The following FBXL17 variants were observed in gnomAD, a reference collection of about 807,000 sequenced individuals.
FBXL17 encodes the protein F-box and leucine rich repeat protein 17.
FBXL17 carries 22 observed loss-of-function variants against 66.2 expected under a neutral mutation model. The ratio of observed to expected loss-of-function variants is 0.33; its 90% CI spans 0.24 to 0.47. FBXL17 has a LOEUF of 0.47. Ranked by LOEUF, FBXL17 falls within the 20% of genes least tolerant of loss-of-function variation. The pLI is 1.00. For synonymous variants in FBXL17, 474 were observed against 400.5 expected (o/e 1.18, Z -2.19); for missense variants, 878 against 948.2 (o/e 0.93, Z 0.97).
chr5:107,874,760 A>G (rs1748563892), intron 8 of FBXL17, among the ~76,000 whole-genome samples: 1 of 152,236 alleles, frequency 6.6e-6, no homozygotes, highest in South Asian at 2.1e-4. Flanking sequence ...GTTGAAAGGT[A>G]ACCTCTGAAT....
At chr5:108,248,745 A>G (rs749865825) in intron 4 of FBXL17, among the ~76,000 whole-genome samples, 1 of 152,154 alleles carries the variant, frequency 6.6e-6, no homozygotes, top group African/African-American at 2.4e-5. Context: ...TTTGAATGAC[A>G]TCAGATTTCT....
intron 4 of FBXL17, among the ~76,000 whole-genome samples, chr5:108,267,586 T>C (rs994140088): frequency 6.6e-6 from 1 of 152,076 alleles, no homozygotes; most frequent in Non-Finnish European, 1.5e-5. Context: ...ACTTCCCTCA[T>C]CTATGGTTTA....
At chr5:108,221,782 C>G (rs753851243) in intron 5 of FBXL17, among the ~76,000 whole-genome samples, 5 of 152,054 alleles carry the variant, frequency 3.3e-5, no homozygotes, top group African/African-American at 4.8e-5. Context: ...AAATAAAAAG[C>G]ATTAATTTTA....
intron 4 of FBXL17, among the ~76,000 whole-genome samples, chr5:108,234,263 G>A (rs1178934820): frequency 1.3e-5 from 2 of 152,074 alleles, no homozygotes; most frequent in African/African-American, 4.8e-5. Context: ...GTTGCCACCG[G>A]GTTGAAGAGA....
intron 6 of FBXL17, among the ~76,000 whole-genome samples, chr5:108,050,668 C>A (rs1489140642): frequency 6.6e-6 from 1 of 151,880 alleles, no homozygotes; most frequent in East Asian, 1.9e-4. Flanking sequence ...GCAAACCAAT[C>A]CCAAACCTAG....
intron 1 of FBXL17, among the ~76,000 whole-genome samples, chr5:108,373,602 T>C (rs894937532): frequency 6.6e-5 from 10 of 152,060 alleles, no homozygotes; most frequent in African/African-American, 2.4e-4. Flanking sequence ...GTAAATGGGC[T>C]AAACTTTCCA....
chr5:108,043,345 A>C (rs1394176171), intron 6 of FBXL17, among the ~76,000 whole-genome samples: 1 of 151,972 alleles, frequency 6.6e-6, no homozygotes, highest in African/African-American at 2.4e-5. Flanking sequence ...TTCTTTCTAC[A>C]AGTTTTATAG....
chr5:108,323,375 T>G (rs369827370), intron 4 of FBXL17, among the ~76,000 whole-genome samples: 50 of 151,824 alleles, frequency 3.3e-4, no homozygotes, highest in East Asian at 1.9e-3. Context: ...AGGGGTAAAA[T>G]TCTTAGGAAT....
In FBXL17 at chr5:107,912,562, A is replaced by T. The variant is rs537278632; in HGVS notation, c.1823-31383T>A. On this transcript the variant is annotated intron_variant, in intron 7 of 8. Transcript: ENST00000542267. ...GTTGAATGAAGAAAGCATGTTATTG[A>T]CAGATATTTACACTCTGATACTATT... Among the ~76,000 whole-genome samples the T allele has an allele frequency of 2.0e-5, 3 of 152,306 alleles. No homozygotes were observed. The East Asian group carries it at 5.8e-4, about 29-fold the overall frequency.
intron 4 of FBXL17, among the ~76,000 whole-genome samples, chr5:108,236,373 C>T (rs1489345350): frequency 4.6e-5 from 7 of 150,674 alleles, no homozygotes; most frequent in African/African-American, 9.8e-5. Context: ...ATTAGCCGGG[C>T]GTGGTGGCAG....
chr5:108,013,960 C>A (rs966151377), intron 7 of FBXL17, among the ~76,000 whole-genome samples: 4 of 152,136 alleles, frequency 2.6e-5, no homozygotes, highest in Non-Finnish European at 5.9e-5. Context: ...TCTTGGTATT[C>A]ATTCCAGCTC....
At chr5:108,213,516 T>C (rs570310238) in intron 5 of FBXL17, among the ~76,000 whole-genome samples, 86 of 152,296 alleles carry the variant, frequency 5.6e-4, no homozygotes, top group Non-Finnish European at 7.8e-4. Flanking sequence ...GCTCAGACTC[T>C]CATGGCTTCC....
intron 6 of FBXL17, among the ~76,000 whole-genome samples, chr5:108,159,927 G>A (rs1042567391): frequency 2.0e-5 from 3 of 152,072 alleles, no homozygotes; most frequent in Middle Eastern, 3.4e-3. Context: ...TTCTCATTAG[G>A]AGAGTAAAAA....
At chr5:108,155,177 A>T (rs1320397567) in intron 6 of FBXL17, among the ~76,000 whole-genome samples, 1 of 152,146 alleles carries the variant, frequency 6.6e-6, no homozygotes, top group Non-Finnish European at 1.5e-5. Flanking sequence ...ATTATAATAC[A>T]TACAGCAGGT....
At position 108,100,667 on chromosome 5, in the gene FBXL17, ATGTTTCTATTACCCAAATATTCC is replaced by A. The variant is rs376866260; in HGVS notation, c.1746-79689_1746-79667del. Among the ~76,000 whole-genome samples the A allele has an allele frequency of 4.8e-3, 733 of 152,328 alleles. 3 individuals carry two copies. The highest frequency in any genetic ancestry group is 0.017 in the African/African-American group (706 of 41,576). ...TGATAATTTACAATATCAACAGCAT[ATGTTTCTATTACCCAAATATTCC>A]TGGCTTCTTCAGGTACTTTCTGGCA... On this transcript the variant is annotated intron_variant, in intron 6 of 8. Transcript: ENST00000542267.
chr5:108,197,175 A>T (rs1753713311), intron 5 of FBXL17, among the ~76,000 whole-genome samples: 1 of 152,216 alleles, frequency 6.6e-6, no homozygotes, highest in Non-Finnish European at 1.5e-5. Flanking sequence ...AACAGCACTT[A>T]AAGTTAGCAG....
chr5:108,047,840 A>T (rs1246305029), intron 6 of FBXL17, among the ~76,000 whole-genome samples: 2 of 152,288 alleles, frequency 1.3e-5, no homozygotes, highest in East Asian at 1.9e-4. Context: ...GTCTCTGCAG[A>T]CCAGCAGACT....
At chr5:108,335,885 T>A (rs917681402) in intron 4 of FBXL17, among the ~76,000 whole-genome samples, 1 of 152,024 alleles carries the variant, frequency 6.6e-6, no homozygotes, top group African/African-American at 2.4e-5. Flanking sequence ...GCCATATGGG[T>A]ATACTAGAAA....
At chr5:108,131,921 G>A (rs1750948685) in intron 6 of FBXL17, among the ~76,000 whole-genome samples, 2 of 151,702 alleles carry the variant, frequency 1.3e-5, no homozygotes, top group East Asian at 1.9e-4. Flanking sequence ...TATTCTACTA[G>A]GAGGATAACC....
Sources: allele counts gnomAD v4.1 joint callset (sites outside exome capture counted in the v4.1 genomes callset), GRCh38; gene constraint gnomAD v4.1.1; transcripts MANE v1.5; gene names NCBI Gene and HGNC (gene_info 2026-07-23, HGNC 2026-07-21).